The following SGO2 variants were observed in gnomAD, a reference collection of about 807,000 sequenced individuals.
SGO2 encodes the protein shugoshin 2, also known as shugoshin-like 2.
In SGO2, 68 loss-of-function variants were observed where a neutral mutation model predicts 99.5. The ratio of observed to expected loss-of-function variants is 0.68; its 90% CI spans 0.56 to 0.84. SGO2 has a LOEUF of 0.84. SGO2 is among the 40% of genes least tolerant of loss of function. SGO2 has a pLI of 0.00. For missense variants in SGO2, 1,350 were observed against 1,436.7 expected (o/e 0.94, Z 0.97); for synonymous variants, 457 against 487.1 (o/e 0.94, Z 0.81).
At chr2:200,567,158 C>T (rs866317257) in intron 5 of SGO2, among the ~76,000 whole-genome samples, 1 of 152,294 alleles carries the variant, frequency 6.6e-6, no homozygotes, top group South Asian at 2.1e-4. Context: ...TCTTCTGCAT[C>T]GTTCATGCTG....
chr2:200,573,390 C>G lies in SGO2; in HGVS notation c.3044C>G (p.Thr1015Arg). ...LASQLTESSQ[T>R]SISLESDLKH... ...TCACAGTTAACAGAATCTTCACAGACATCTATCTCCTTAGAATCTGATTTA... is the reference window on the plus strand; with the variant it reads ...TCACAGTTAACAGAATCTTCACAGAGATCTATCTCCTTAGAATCTGATTTA... The change falls in exon 7 of 9, where the codon ACA becomes AGA. Residue 1015 changes from threonine (T) to arginine (R), a missense_variant. Transcript: ENST00000357799. 1 of 1,602,500 alleles carries G rather than the reference C, an allele frequency of 6.2e-7. No homozygotes were observed. Among genetic ancestry groups the G allele is most frequent in the Non-Finnish European group, 8.5e-7 (1 of 1,176,748 alleles).
rs1008713167 is a variant in SGO2 at position 200,573,958 on chromosome 2, A to G, written c.3612A>G (p.Arg1204=). 4 of 1,589,222 alleles carry G rather than the reference A, an allele frequency of 2.5e-6. No homozygotes were observed. Among genetic ancestry groups the G allele is most frequent in the Non-Finnish European group, 3.4e-6 (4 of 1,172,442 alleles). Residue 1204 remains arginine, a synonymous_variant, in exon 7 of 9, where the codon AGA becomes AGG. Coordinates refer to ENST00000357799, the MANE Select transcript of SGO2 (RefSeq NM_152524.6). Reference sequence around the variant, plus strand: ...AGATGAAATTTAAAGTCAACCGGAGAACCCAAAAATCAGGAATAGGTAGGT... The same window carrying G: ...AGATGAAATTTAAAGTCAACCGGAGGACCCAAAAATCAGGAATAGGTAGGT... ...MNKMKFKVNR[R]TQKSGIGDRP... is the part of the protein sequence containing the mutation.
At chr2:200,538,399 A>T (rs568813612) in intron 4 of SGO2, among the ~76,000 whole-genome samples, 1 of 152,294 alleles carries the variant, frequency 6.6e-6, no homozygotes, top group South Asian at 2.1e-4. Flanking sequence ...ACTGCAGTGA[A>T]GCCTTCCCTA....
At position 200,570,014 on chromosome 2, in the gene SGO2, A is replaced by C; in HGVS notation, c.703+122A>C. The C allele has an allele frequency of 3.1e-6, 2 of 645,354 alleles. No individual in the cohort carries two copies. Among genetic ancestry groups the C allele is most frequent in the Non-Finnish European group, 5.3e-6 (2 of 377,082 alleles). The allele number at this position is 645,354 out of a possible 1,614,324, so 40.0% of individuals were successfully genotyped here. ...AGCTCTCTTATGTTACCGATTTGCT[A>C]ACTTCTGCCATTTAAAACTGCTGGT... On this transcript the variant is annotated intron_variant, in intron 6 of 8. Transcript: ENST00000357799. This position sits in a 1 kb window ranked among gnomAD's most constrained non-coding sequence, Gnocchi z 4.4.
chr2:200,543,899 T>A (rs919154398), intron 5 of SGO2, among the ~76,000 whole-genome samples: 1 of 152,228 alleles, frequency 6.6e-6, no homozygotes, highest in African/African-American at 2.4e-5. Flanking sequence ...TATTCAAACA[T>A]GGTGGATTTT....
Position 200,548,575 on chromosome 2 carries a change from A to G in SGO2, c.473+5911A>G, listed in dbSNP as rs192410179. On this transcript the variant is annotated intron_variant, in intron 5 of 8. Coordinates refer to ENST00000357799, the MANE Select transcript of SGO2 (RefSeq NM_152524.6). The stretch of plus-strand genomic sequence containing the variant: ...CAAGGAATTAGAAAAGCAAGAACAA[A>G]GCAAATCCCAAGTTAGCAGAAGAAA... 9.2e-5 allele frequency among the ~76,000 whole-genome samples: 14 copies of G among 152,336 alleles called. No homozygotes were observed. The Middle Eastern group carries it at 0.01, about 111-fold the overall frequency.
rs577581977 is a variant in SGO2 at position 200,572,905 on chromosome 2, T to G, written c.2559T>G (p.Ser853=). The change falls in exon 7 of 9, where the codon TCT becomes TCG. Residue 853 remains serine, a synonymous_variant. Transcript: ENST00000357799. Reference sequence around the variant, plus strand: ...CCCCAAAGGATAAAGAAACAATTTCTGAAAATCTACAAGTCACAAATGAAT... The same window carrying G: ...CCCCAAAGGATAAAGAAACAATTTCGGAAAATCTACAAGTCACAAATGAAT... ...SLTPKDKETI[S]ENLQVTNEFQ... The G allele has an allele frequency of 6.3e-7, 1 of 1,591,104 alleles. No individual in the cohort carries two copies. The highest frequency in any genetic ancestry group is 1.2e-5 in the South Asian group (1 of 85,504).
At chr2:200,553,816 T>C (rs1028217646) in intron 5 of SGO2, among the ~76,000 whole-genome samples, 1 of 152,138 alleles carries the variant, frequency 6.6e-6, no homozygotes, top group African/African-American at 2.4e-5. Flanking sequence ...CTTGAGTAAA[T>C]TCCTCTCTTC....
At chr2:200,526,189 C>G (rs1047965849), upstream of SGO2, 8 of 152,554 alleles carry the variant, frequency 5.2e-5, no homozygotes, top group African/African-American at 1.9e-4. This position sits in a 1 kb window ranked among gnomAD's most constrained non-coding sequence, Gnocchi z 4.8. Flanking sequence ...TAAACCCAAG[C>G]CGCAGCCGCT....
At chr2:200,545,034 T>C (rs1013868608) in intron 5 of SGO2, among the ~76,000 whole-genome samples, 7 of 152,268 alleles carry the variant, frequency 4.6e-5, no homozygotes, top group African/African-American at 1.7e-4. Flanking sequence ...TGAGGCAAGG[T>C]CTCACTTTGT....
chr2:200,543,645 G>A (rs1347347349), intron 5 of SGO2: 1 of 152,104 alleles, frequency 6.6e-6, no homozygotes, highest in African/African-American at 2.4e-5. Flanking sequence ...TCAATTCATT[G>A]TAGTTTGTTC....
At position 200,573,115 on chromosome 2, in the gene SGO2, A is replaced by G; in HGVS notation, c.2769A>G (p.Ile923Met). The G allele has an allele frequency of 3.8e-6, 6 of 1,591,394 alleles. No homozygotes were observed. Among genetic ancestry groups the G allele is most frequent in the Non-Finnish European group, 5.1e-6 (6 of 1,174,260 alleles). The change falls in exon 7 of 9, where the codon ATA becomes ATG. Residue 923 changes from isoleucine (I) to methionine (M), a missense_variant. Physicochemically the swap from Ile to Met is conservative, Grantham distance 10. Transcript: ENST00000357799. ...KTEIISEMNQ[I>M]YEDNDKDAHV... ...AAATAATTTCTGAAATGAACCAGAT[A>G]TATGAGGATAATGATAAAGATGCAC...
chr2:200,570,641 T>C lies in SGO2; in HGVS notation c.704-409T>C, dbSNP rs2033375052. On this transcript the variant is annotated intron_variant, in intron 6 of 8. Coordinates refer to ENST00000357799, the MANE Select transcript of SGO2 (RefSeq NM_152524.6). This position sits in a 1 kb window ranked among gnomAD's most constrained non-coding sequence, Gnocchi z 4.4. ...TTACACACATACAAACATATATTAA[T>C]ATATGTATATATAATTTATATAAAT... Among the ~76,000 whole-genome samples, 1 of 151,304 alleles carries C rather than the reference T, an allele frequency of 6.6e-6. No individual in the cohort carries two copies. Among genetic ancestry groups the C allele is most frequent in the Admixed American group, 6.6e-5 (1 of 15,144 alleles).
chr2:200,554,325 C>A lies in SGO2; in HGVS notation c.473+11661C>A, dbSNP rs980675218. On this transcript the variant is annotated intron_variant, in intron 5 of 8. Transcript: ENST00000357799. ...ACTTCAGACTTACATTGGTTCAGTCCATGCAGTTAAATACTGTCCTATTTG... is the reference window on the plus strand; with the variant it reads ...ACTTCAGACTTACATTGGTTCAGTCAATGCAGTTAAATACTGTCCTATTTG... Among the ~76,000 whole-genome samples the A allele has an allele frequency of 2.0e-5, 3 of 152,136 alleles. No individual in the cohort carries two copies. In the South Asian group the frequency reaches 6.2e-4, roughly 32 times the overall value.
intron 5 of SGO2, among the ~76,000 whole-genome samples, chr2:200,563,358 G>GT (rs1231813086): frequency 6.6e-6 from 1 of 152,220 alleles, no homozygotes; most frequent in African/African-American, 2.4e-5. Context: ...GCTGGATTAC[G>GT]TTTATTGATT....
intron 5 of SGO2, among the ~76,000 whole-genome samples, chr2:200,545,929 C>A (rs1412476959): frequency 6.6e-6 from 1 of 152,158 alleles, no homozygotes; most frequent in Non-Finnish European, 1.5e-5. Flanking sequence ...CATCCCCAGC[C>A]CAGAAACTCT....
At chr2:200,537,730 G>C (rs932380712) in intron 4 of SGO2, among the ~76,000 whole-genome samples, 8 of 152,018 alleles carry the variant, frequency 5.3e-5, no homozygotes, top group African/African-American at 1.9e-4. Context: ...GCTATACACT[G>C]TTGACTTTCA....
At position 200,573,996 on chromosome 2, in the gene SGO2, T is replaced by G. The variant is rs754762536; in HGVS notation, c.3631+19T>G. ...GGAATAGGTAGGTTAATAACCATTA[T>G]GAAATGATAAAGTTTTAGAAGTGTT... On this transcript the variant is annotated intron_variant, in intron 7 of 8. Coordinates refer to ENST00000357799, the MANE Select transcript of SGO2 (RefSeq NM_152524.6). The G allele has an allele frequency of 1.3e-6, 2 of 1,512,110 alleles. No individual in the cohort carries two copies. The highest frequency in any genetic ancestry group is 1.8e-6 in the Non-Finnish European group (2 of 1,136,674). The allele number at this position is 1,512,110 out of a possible 1,614,324, so 93.7% of individuals were successfully genotyped here. A position where few individuals can be genotyped will look rare whatever the true frequency, so the allele number is the denominator to read the frequency against.
chr2:200,545,770 A>T (rs961057171), intron 5 of SGO2, among the ~76,000 whole-genome samples: 10 of 152,308 alleles, frequency 6.6e-5, no homozygotes, highest in African/African-American at 2.4e-4. Flanking sequence ...GGAAAAAGCA[A>T]AATTGAAATG....
Sources: gnomAD v4.1 joint callset for allele counts (sites outside exome capture counted in the v4.1 genomes callset) on GRCh38, gnomAD v4.1.1 for gene constraint, Gnocchi (gnomAD v3.1) non-coding constraint, MANE v1.5 for transcripts, NCBI Gene and HGNC (gene_info 2026-07-23, HGNC 2026-07-21) for gene names.